LHFPL3: variants seen among roughly 807,000 people sequenced by gnomAD.
LHFPL3 encodes the protein LHFPL tetraspan subfamily member 3.
A neutral mutation model predicts 19.3 loss-of-function variants in LHFPL3; 5 were observed. That is an observed-to-expected ratio of 0.26 (90% CI 0.14 to 0.54). The LOEUF (loss-of-function observed/expected upper bound fraction) is 0.54. LHFPL3 is among the 20% of genes least tolerant of loss of function. LHFPL3 has a pLI of 0.94. For synonymous variants in LHFPL3, 133 were observed against 126.2 expected (o/e 1.05, Z -0.36); for missense variants, 249 against 307.4 (o/e 0.81, Z 1.42).
At chr7:104,726,660 T>C (rs1194800589) in intron 1 of LHFPL3, among the ~76,000 whole-genome samples, 1 of 152,130 alleles carries the variant, frequency 6.6e-6, no homozygotes, top group Non-Finnish European at 1.5e-5. Context: ...AAAGACATGA[T>C]TTCAGTCCTT....
intron 1 of LHFPL3, among the ~76,000 whole-genome samples, chr7:104,634,427 T>C (rs1008697067): frequency 7.2e-5 from 11 of 152,206 alleles, no homozygotes; most frequent in African/African-American, 2.4e-4. Flanking sequence ...CCCACCCATA[T>C]GACCTCATTT....
intron 1 of LHFPL3, among the ~76,000 whole-genome samples, chr7:104,430,434 A>ATACACATG (rs1562895289): frequency 7.0e-5 from 1 of 14,356 alleles, no homozygotes; most frequent in African/African-American, 2.8e-4. Flanking sequence ...ATATATATAT[A>ATACACATG]TATATATATA....
chr7:104,681,696 CCT>C (rs1463790613), intron 1 of LHFPL3, among the ~76,000 whole-genome samples: 1 of 151,998 alleles, frequency 6.6e-6, no homozygotes, highest in African/African-American at 2.4e-5. Flanking sequence ...CCTTATTACC[CCT>C]GTTTTACAAA....
At chr7:104,338,244 G>A (rs927095793) in intron 1 of LHFPL3, among the ~76,000 whole-genome samples, 36 of 151,626 alleles carry the variant, frequency 2.4e-4, no homozygotes, top group African/African-American at 8.2e-4. Context: ...GACTACAGGC[G>A]CCCGCCACCA....
intron 1 of LHFPL3, among the ~76,000 whole-genome samples, chr7:104,654,058 A>G (rs1459972115): frequency 6.6e-6 from 1 of 152,232 alleles, no homozygotes; most frequent in African/African-American, 2.4e-5. Context: ...CTCCATGCCA[A>G]GAAATTCCTG....
At chr7:104,644,981 C>T (rs1165929324) in intron 1 of LHFPL3, among the ~76,000 whole-genome samples, 1 of 152,220 alleles carries the variant, frequency 6.6e-6, no homozygotes, top group Non-Finnish European at 1.5e-5. Flanking sequence ...CACAGCCCCT[C>T]TGCAGTTCCC....
At chr7:104,341,832 C>T (rs1789959922) in intron 1 of LHFPL3, among the ~76,000 whole-genome samples, 1 of 152,058 alleles carries the variant, frequency 6.6e-6, no homozygotes, top group Admixed American at 6.5e-5. Flanking sequence ...TTCTCCCTGA[C>T]ACTGCCTGTA....
intron 1 of LHFPL3, among the ~76,000 whole-genome samples, chr7:104,557,160 A>G (rs1330656236): frequency 6.6e-6 from 1 of 152,186 alleles, no homozygotes; most frequent in Non-Finnish European, 1.5e-5. Context: ...CCTTGTTCCC[A>G]GTTCCAAAGT....
At chr7:104,374,510 G>C (rs931858519) in intron 1 of LHFPL3, among the ~76,000 whole-genome samples, 25 of 152,226 alleles carry the variant, frequency 1.6e-4, no homozygotes, top group African/African-American at 5.5e-4. Flanking sequence ...AAAGTGCTGG[G>C]ATTACAGGTG....
At chr7:104,625,204 T>C (rs1791519655) in intron 1 of LHFPL3, among the ~76,000 whole-genome samples, 1 of 152,240 alleles carries the variant, frequency 6.6e-6, no homozygotes, top group Admixed American at 6.5e-5. Flanking sequence ...AAGCATTAAT[T>C]ACATTGAACA....
intron 1 of LHFPL3, among the ~76,000 whole-genome samples, chr7:104,731,331 G>T (rs1290539668): frequency 6.6e-6 from 1 of 151,818 alleles, no homozygotes. Context: ...GCATTTTCAT[G>T]ATATTGATTC....
At chr7:104,675,745 A>G (rs1040902181) in intron 1 of LHFPL3, among the ~76,000 whole-genome samples, 5 of 152,182 alleles carry the variant, frequency 3.3e-5, no homozygotes, top group African/African-American at 1.2e-4. Context: ...TTTTTCTCAA[A>G]TGACACCTGG....
At chr7:104,585,747 G>A (rs761637845) in intron 1 of LHFPL3, among the ~76,000 whole-genome samples, 14 of 152,130 alleles carry the variant, frequency 9.2e-5, no homozygotes, top group African/African-American at 3.4e-4. Flanking sequence ...GGAATGCTCT[G>A]TTTGTAATTC....
chr7:104,584,363 A>G lies in LHFPL3; in HGVS notation c.446-152312A>G, dbSNP rs528678164. 5.3e-4 allele frequency among the ~76,000 whole-genome samples: 81 copies of G among 152,270 alleles called. 1 individual carries two copies. Among genetic ancestry groups the G allele is most frequent in the African/African-American group, 1.9e-3 (79 of 41,566 alleles). On this transcript the variant is annotated intron_variant, in intron 1 of 2. Transcript: ENST00000424859. ...TAGGAGATATATCTAATGCTAAATG[A>G]CGACTTAATGGGTGCAGCACACCAA...
intron 1 of LHFPL3, among the ~76,000 whole-genome samples, chr7:104,664,189 A>G (rs1792281311): frequency 6.6e-6 from 1 of 152,238 alleles, no homozygotes; most frequent in African/African-American, 2.4e-5. Flanking sequence ...AATAATTTCC[A>G]TCCCACATTC....
chr7:104,648,427 G>T (rs1791969959), intron 1 of LHFPL3, among the ~76,000 whole-genome samples: 2 of 152,146 alleles, frequency 1.3e-5, no homozygotes, highest in African/African-American at 4.8e-5. Flanking sequence ...AAAAGAAAAA[G>T]CCGTCATTAA....
intron 1 of LHFPL3, among the ~76,000 whole-genome samples, chr7:104,580,401 T>C (rs1790436413): frequency 6.6e-6 from 1 of 152,300 alleles, no homozygotes; most frequent in African/African-American, 2.4e-5. Context: ...ACTTGCCACC[T>C]AGATTCTAGA....
At chr7:104,512,552 A>T (rs904145407) in intron 1 of LHFPL3, among the ~76,000 whole-genome samples, 1 of 151,808 alleles carries the variant, frequency 6.6e-6, no homozygotes, top group African/African-American at 2.4e-5. Flanking sequence ...CCTGGCCAAC[A>T]TGGTGAAACC....
At position 104,494,311 on chromosome 7, in the gene LHFPL3, AT is replaced by A. The variant is rs751061457; in HGVS notation, c.445+165091del. On this transcript the variant is annotated intron_variant, in intron 1 of 2. Transcript: ENST00000424859. ...CCTGAGCCATCTGGTGCCAACCTAT[AT>A]TTTCCATTCATTCATTCACTTATTC... Among the ~76,000 whole-genome samples, 15 of 152,268 alleles carry A rather than the reference AT, an allele frequency of 9.9e-5. No homozygotes were observed. The East Asian group carries it at 1.5e-3, about 16-fold the overall frequency.
Sources: gnomAD v4.1 joint callset for allele counts (sites outside exome capture counted in the v4.1 genomes callset) on GRCh38, gnomAD v4.1.1 for gene constraint, MANE v1.5 for transcripts, NCBI Gene and HGNC (gene_info 2026-07-23, HGNC 2026-07-21) for gene names.